The following FCHSD2 variants were observed in gnomAD, a reference collection of about 807,000 sequenced individuals.
FCHSD2 encodes FCH and double SH3 domains 2.
FCHSD2 carries 38 observed loss-of-function variants against 108.1 expected under a neutral mutation model. That is an observed-to-expected ratio of 0.35 (90% CI 0.27 to 0.46). The LOEUF is 0.46. Ranked by LOEUF, FCHSD2 falls within the 20% of genes least tolerant of loss-of-function variation. FCHSD2 has a pLI of 1.00. For synonymous variants in FCHSD2, 279 were observed against 314.7 expected (o/e 0.89, Z 1.20); for missense variants, 751 against 897.8 (o/e 0.84, Z 2.09).
chr11:73,094,071 TGTG>T (rs1860020540), intron 2 of FCHSD2, among the ~76,000 whole-genome samples: 1 of 151,970 alleles, frequency 6.6e-6, no homozygotes, highest in East Asian at 1.9e-4. Flanking sequence ...CTTAGCCAGG[TGTG>T]GTGGCGCACA....
At chr11:72,965,021 C>T (rs1270205056) in intron 8 of FCHSD2, among the ~76,000 whole-genome samples, 4 of 152,142 alleles carry the variant, frequency 2.6e-5, no homozygotes, top group Admixed American at 6.5e-5. Context: ...AATTTCCCAA[C>T]CTCATGATCC....
intron 12 of FCHSD2, among the ~76,000 whole-genome samples, chr11:72,874,862 A>C (rs1854934590): frequency 6.6e-6 from 1 of 152,204 alleles, no homozygotes; most frequent in East Asian, 1.9e-4. Context: ...CTTATTAAAA[A>C]TTTTCAGAGT....
At chr11:73,033,871 T>C (rs552485194) in intron 3 of FCHSD2, among the ~76,000 whole-genome samples, 2 of 152,320 alleles carry the variant, frequency 1.3e-5, no homozygotes, top group East Asian at 3.9e-4. Context: ...TTTACCTATT[T>C]GATGACGTGA....
At chr11:73,127,335 G>A (rs958380812) in intron 2 of FCHSD2, among the ~76,000 whole-genome samples, 2 of 152,162 alleles carry the variant, frequency 1.3e-5, no homozygotes, top group African/African-American at 2.4e-5. Flanking sequence ...AAGGAATATT[G>A]AAAGGACCTA....
chr11:73,130,234 T>C (rs1415881716), intron 2 of FCHSD2, among the ~76,000 whole-genome samples: 1 of 151,928 alleles, frequency 6.6e-6, no homozygotes, highest in African/African-American at 2.4e-5. Context: ...AGGTAAAGTA[T>C]ACATAAAAAT....
intron 2 of FCHSD2, among the ~76,000 whole-genome samples, chr11:73,106,414 A>AT (rs1325926504): frequency 2.0e-5 from 3 of 151,272 alleles, no homozygotes; most frequent in Non-Finnish European, 4.4e-5. Context: ...TCCAAAAAAA[A>AT]AAAAAAAAGA....
intron 8 of FCHSD2, among the ~76,000 whole-genome samples, chr11:72,926,884 C>T (rs1856086682): frequency 6.6e-6 from 1 of 151,992 alleles, no homozygotes; most frequent in Admixed American, 6.6e-5. Context: ...AGAATGTCAG[C>T]CAGAATTATA....
At chr11:73,124,316 G>A (rs771900462) in intron 2 of FCHSD2, among the ~76,000 whole-genome samples, 4 of 152,018 alleles carry the variant, frequency 2.6e-5, no homozygotes, top group Non-Finnish European at 5.9e-5. Flanking sequence ...TGTAAATGAC[G>A]AGTTAATGGG....
intron 3 of FCHSD2, among the ~76,000 whole-genome samples, chr11:73,055,300 C>G (rs373289650): frequency 5.3e-5 from 8 of 151,496 alleles, no homozygotes; most frequent in African/African-American, 1.9e-4. Flanking sequence ...CCATGATCAC[C>G]CCACTGGACT....
intron 2 of FCHSD2, among the ~76,000 whole-genome samples, chr11:73,091,432 C>T (rs1859954875): frequency 6.6e-6 from 1 of 151,884 alleles, no homozygotes; most frequent in African/African-American, 2.4e-5. Context: ...GCCTGTAATC[C>T]CAGCTACATG....
intron 8 of FCHSD2, among the ~76,000 whole-genome samples, chr11:72,927,724 G>A (rs1054897063): frequency 1.3e-5 from 2 of 152,218 alleles, no homozygotes; most frequent in Non-Finnish European, 2.9e-5. Context: ...AGCTGACTAG[G>A]TTGAGCATTT....
chr11:72,842,487 G>A, intron 17 of FCHSD2, 134 bp downstream of exon 17: 2 of 1,021,592 alleles, frequency 2.0e-6, no homozygotes, highest in Non-Finnish European at 2.8e-6. Flanking sequence ...AAATGCAGTT[G>A]TGCAGACACT....
At chr11:72,840,223 T>C (rs1355055721) in intron 19 of FCHSD2, among the ~76,000 whole-genome samples, 1 of 152,170 alleles carries the variant, frequency 6.6e-6, no homozygotes, top group African/African-American at 2.4e-5. Context: ...CCTGTCTCAT[T>C]TGGGATAAAG....
At chr11:72,866,760 G>C (rs1042455777) in intron 13 of FCHSD2, among the ~76,000 whole-genome samples, 1 of 152,220 alleles carries the variant, frequency 6.6e-6, no homozygotes, top group South Asian at 2.1e-4. Context: ...ATTCTCATTA[G>C]AAAATTAGAA....
rs1387804369 is a variant in FCHSD2, at chr11:73,115,943, T to C, written c.119+24088A>G. Among the ~76,000 whole-genome samples, 52 of 152,248 alleles carry C rather than the reference T, an allele frequency of 3.4e-4. 2 individuals are homozygous for C. The highest frequency in any genetic ancestry group is 3.4e-3 in the Admixed American group (52 of 15,280). On this transcript the variant is annotated intron_variant, in intron 2 of 19. Transcript: ENST00000409418. ...AACATTTGATTAAATAGCTGGGTAC[T>C]ACAGCATAAGCAAGTTGATACATAA...
rs150321791 is a variant in FCHSD2, at chr11:73,136,386, C to A, written c.119+3645G>T. 1.2e-3 allele frequency among the ~76,000 whole-genome samples: 181 copies of A among 151,764 alleles called. 2 individuals are homozygous for A. The highest frequency in any genetic ancestry group is 1.3e-3 in the Non-Finnish European group (91 of 67,918). On this transcript the variant is annotated intron_variant, in intron 2 of 19. Transcript: ENST00000409418. ...ACCAGCCTGAGTAACATGGTAAGAC[C>A]CCATGTCTACAAAAAACACAAAAAT...
At chr11:72,927,325 T>C (rs1856096216) in intron 8 of FCHSD2, among the ~76,000 whole-genome samples, 1 of 152,238 alleles carries the variant, frequency 6.6e-6, no homozygotes, top group African/African-American at 2.4e-5. Context: ...CATATCATTA[T>C]ACATTTGTCT....
intron 8 of FCHSD2, among the ~76,000 whole-genome samples, chr11:72,971,920 G>A (rs1857013438): frequency 6.6e-6 from 1 of 152,132 alleles, no homozygotes; most frequent in African/African-American, 2.4e-5. Flanking sequence ...ATAAAAGTTT[G>A]GGAGGATAGA....
chr11:72,883,123 C>T (rs2135237630), intron 12 of FCHSD2, among the ~76,000 whole-genome samples: 1 of 152,132 alleles, frequency 6.6e-6, no homozygotes, highest in East Asian at 1.9e-4. Context: ...AACAAAACAA[C>T]AACAAAAAAA....
Sources: allele counts gnomAD v4.1 joint callset (sites outside exome capture counted in the v4.1 genomes callset), GRCh38; gene constraint gnomAD v4.1.1; transcripts MANE v1.5; gene names NCBI Gene and HGNC (gene_info 2026-07-23, HGNC 2026-07-21).